The following OTUB1 variants were observed in gnomAD, a reference collection of about 807,000 sequenced individuals.
The protein encoded by OTUB1 is ubiquitin thioesterase OTUB1.
OTUB1 carries 10 observed loss-of-function variants against 35.8 expected under a neutral mutation model. That is an observed-to-expected ratio of 0.28 (90% confidence interval 0.17 to 0.47). The LOEUF (loss-of-function observed/expected upper bound fraction) is 0.47. Among genes scored for constraint, OTUB1 ranks in the 20% least tolerant of loss-of-function variants. The pLI is 0.99. For missense variants in OTUB1, 264 were observed against 351.6 expected (o/e 0.75, Z 1.99); for synonymous variants, 158 against 143.8 (o/e 1.10, Z -0.71).
At chr11:63,988,042 A>T (rs1942637008) in intron 1 of OTUB1, among the ~76,000 whole-genome samples, 1 of 152,188 alleles carries the variant, frequency 6.6e-6, no homozygotes, top group Admixed American at 6.5e-5. Context: ...TGGGAGGTTG[A>T]GGTGGGCGGA....
In OTUB1 at chr11:63,986,449, G is replaced by A. The variant is rs776453851; in HGVS notation, c.-8G>A. The A allele has an allele frequency of 1.3e-6, 2 of 1,553,914 alleles. No individual in the cohort carries two copies. Among genetic ancestry groups the A allele is most frequent in the Non-Finnish European group, 1.7e-6 (2 of 1,148,720 alleles). ...CGGAAGCGGTCGGTAGTGCGGCGCT[G>A]TTTAAAGATGGCGGCGGAGGAACCT... On this transcript the variant is annotated 5_prime_UTR_variant, in exon 1 of 7. Transcript: ENST00000538426.
In OTUB1 at chr11:63,988,909, C is replaced by CA. The variant is rs1171878484; in HGVS notation, c.219+162dup. The stretch of plus-strand genomic sequence containing the variant: ...TCTTGAAGTGCGTAGGCTGAGGCCT[C>CA]AAAAACACATTGATTCAATGCTTGA... On this transcript the variant is annotated intron_variant, in intron 3 of 6. Transcript: ENST00000538426. 3 of 579,570 alleles carry CA rather than the reference C, an allele frequency of 5.2e-6. No homozygotes were observed. The African/African-American group carries it at 5.7e-5, about 11-fold the overall frequency. 35.9% of individuals were successfully genotyped at this position (579,570 alleles called of 1,614,324 possible).
intron 3 of OTUB1, chr11:63,989,034 TGGG>T (rs1273369197): frequency 3.2e-4 from 98 of 305,916 alleles, no homozygotes; most frequent in African/African-American, 2.2e-3. Context: ...AAAAAAAAGG[TGGG>T]GGGCAGGCAC....
At chr11:63,988,882 G>A in intron 3 of OTUB1, 130 bp downstream of exon 3, 2 of 648,994 alleles carry the variant, frequency 3.1e-6, no homozygotes, top group Non-Finnish European at 5.6e-6. Context: ...TTCGTTGCTG[G>A]TTCTTGAAGT....
intron 4 of OTUB1, 75 bp downstream of exon 4, chr11:63,996,723 A>T: frequency 6.2e-7 from 1 of 1,612,612 alleles, no homozygotes. Context: ...ATGTGTCTCG[A>T]GTAGGGTGTC....
chr11:63,995,730 G>A (rs763803052), intron 3 of OTUB1, among the ~76,000 whole-genome samples: 5 of 152,102 alleles, frequency 3.3e-5, no homozygotes, highest in Admixed American at 6.6e-5. Context: ...TGTGGGAGGA[G>A]GCCAAAGGCA....
chr11:63,996,251 T>C (rs183505666), intron 3 of OTUB1, among the ~76,000 whole-genome samples: 1 of 152,308 alleles, frequency 6.6e-6, no homozygotes, highest in Non-Finnish European at 1.5e-5. Flanking sequence ...TTCACTCACC[T>C]GTTGTTGTAC....
chr11:63,989,745 G>C (rs901107152), intron 3 of OTUB1: 1 of 147,812 alleles, frequency 6.8e-6, no homozygotes, highest in Non-Finnish European at 1.5e-5. Context: ...AAAAAAAAAG[G>C]CCTGGCGCGG....
chr11:63,995,500 A>T (rs560667435), intron 3 of OTUB1, among the ~76,000 whole-genome samples: 1 of 151,338 alleles, frequency 6.6e-6, no homozygotes, highest in Non-Finnish European at 1.5e-5. Context: ...CCAGCCACTT[A>T]TTTTTTTTAG....
In OTUB1 at chr11:63,997,789, C is replaced by CCTATCTA. The variant is rs1555003786; in HGVS notation, c.*246_*252dup. ...CCCAGGTGGGTCCCCCTGCTTTTCA[C>CCTATCTA]CTATCTACTCCTGAGCTTCCCCAAC... is the stretch of plus-strand genomic sequence containing the variant. On this transcript the variant is annotated 3_prime_UTR_variant, in exon 7 of 7. Coordinates refer to ENST00000538426, the MANE Select transcript of OTUB1 (RefSeq NM_017670.3). 2 of 700,382 alleles carry CCTATCTA rather than the reference C, an allele frequency of 2.9e-6. No homozygotes were observed. Among genetic ancestry groups the CCTATCTA allele is most frequent in the African/African-American group, 1.8e-5 (1 of 57,134 alleles). The allele number at this position is 700,382 out of a possible 1,614,324, so 43.4% of individuals were successfully genotyped here.
At chr11:63,996,729 G>T in intron 4 of OTUB1, 81 bp downstream of exon 4, 1 of 1,612,216 alleles carries the variant, frequency 6.2e-7, no homozygotes, top group Non-Finnish European at 8.5e-7. Flanking sequence ...CTCGAGTAGG[G>T]TGTCTCCCTC....
At chr11:63,995,784 T>TGG (rs1316715949) in intron 3 of OTUB1, among the ~76,000 whole-genome samples, 1 of 146,622 alleles carries the variant, frequency 6.8e-6, no homozygotes, top group African/African-American at 2.6e-5. Context: ...GGTCATCAGC[T>TGG]GGGGGTAGGA....
At position 63,997,827 on chromosome 11, in the gene OTUB1, G is replaced by C. The variant is rs1247560975; in HGVS notation, c.*281G>C. 5 of 696,988 alleles carry C rather than the reference G, an allele frequency of 7.2e-6. No homozygotes were observed. The highest frequency in any genetic ancestry group is 6.0e-5 in the Admixed American group (3 of 49,714). 43.2% of individuals were successfully genotyped at this position (696,988 alleles called of 1,614,324 possible). On this transcript the variant is annotated 3_prime_UTR_variant, in exon 7 of 7. Coordinates refer to ENST00000538426, the MANE Select transcript of OTUB1 (RefSeq NM_017670.3). ...GAGCTTCCCCAACAGGAGCAGGTTT[G>C]AGGGGCCAGGCCTCTTGGAGGCCCC...
chr11:63,987,881 G>A (rs896585251), intron 1 of OTUB1, among the ~76,000 whole-genome samples: 1 of 152,162 alleles, frequency 6.6e-6, no homozygotes, highest in African/African-American at 2.4e-5. Context: ...GGGAGGAAGG[G>A]GGTGTCAGAG....
intron 2 of OTUB1, 54 bp from the exon 3 acceptor site, chr11:63,988,600 G>A (rs760884620): frequency 2.2e-6 from 3 of 1,391,942 alleles, no homozygotes; most frequent in Non-Finnish European, 2.0e-6. Flanking sequence ...TGTCTGTTAG[G>A]CATGGGTCAC....
intron 2 of OTUB1, 91 bp downstream of exon 2, chr11:63,988,489 A>G (rs744864): frequency 0.06 from 83,606 of 1,395,042 alleles, 7,061 homozygotes; most frequent in African/African-American, 0.4. Context: ...GTCTGTCTCT[A>G]CTTTGGAAGC....
intron 3 of OTUB1, among the ~76,000 whole-genome samples, chr11:63,991,746 C>T (rs938794330): frequency 3.3e-5 from 5 of 152,192 alleles, no homozygotes; most frequent in African/African-American, 7.2e-5. Flanking sequence ...ACTCATTTAA[C>T]GTTTATTGAG....
In OTUB1 at chr11:63,988,345, T is replaced by C. The variant is rs1319104007; in HGVS notation, c.67T>C (p.Cys23Arg). The C allele has an allele frequency of 6.4e-7, 1 of 1,553,414 alleles. No homozygotes were observed. Among genetic ancestry groups the C allele is most frequent in the Non-Finnish European group, 8.7e-7 (1 of 1,147,636 alleles). ...TTTTTTCCTTTTCCCAGGTGTTAACTGTCTGGCCTATGATGAAGCCATCAT... is the reference window on the plus strand; with the variant it reads ...TTTTTTCCTTTTCCCAGGTGTTAACCGTCTGGCCTATGATGAAGCCATCAT... Reference protein sequence around the residue: ...PLGSDSEGVNCLAYDEAIMAQ... With the variant: ...PLGSDSEGVNRLAYDEAIMAQ... Residue 23 changes from cysteine (C) to arginine (R), a missense_variant, in exon 2 of 7, where the codon TGT (cysteine) becomes CGT (arginine). Around this residue, in one of 2 missense-constraint regions of OTUB1, gnomAD observed 50 missense variants for 34.5 expected, o/e 1.45. Coordinates refer to ENST00000538426, the MANE Select transcript of OTUB1 (RefSeq NM_017670.3).
intron 3 of OTUB1, among the ~76,000 whole-genome samples, chr11:63,994,515 T>A (rs1590781280): frequency 6.6e-6 from 1 of 152,322 alleles, no homozygotes; most frequent in East Asian, 1.9e-4. Flanking sequence ...CCTCCCAAAG[T>A]GCTGGGATTA....
Sources: allele counts gnomAD v4.1 joint callset (sites outside exome capture counted in the v4.1 genomes callset), GRCh38; gene constraint gnomAD v4.1.1; regional missense constraint gnomAD v4.1.1; transcripts MANE v1.5; gene names NCBI Gene and HGNC (gene_info 2026-07-23, HGNC 2026-07-21).